The following SLC35F1 variants were observed in gnomAD, a reference collection of about 807,000 sequenced individuals.
The protein encoded by SLC35F1 is solute carrier family 35 member F1.
SLC35F1 carries 14 observed loss-of-function variants against 48.7 expected under a neutral mutation model. The observed-to-expected ratio is 0.29, with a 90% CI of 0.19 to 0.45. The LOEUF (loss-of-function observed/expected upper bound fraction) is 0.45. SLC35F1 is among the 20% of genes least tolerant of loss of function. The pLI is 1.00. For missense variants in SLC35F1, 404 were observed against 500.0 expected (o/e 0.81, Z 1.83); for synonymous variants, 190 against 202.2 (o/e 0.94, Z 0.51).
intron 1 of SLC35F1, among the ~76,000 whole-genome samples, chr6:117,921,113 G>A (rs75770616): frequency 0.02 from 3,030 of 151,358 alleles, 43 homozygotes; most frequent in Non-Finnish European, 0.032. Flanking sequence ...GATAGGTAGA[G>A]GATAGTCTTT....
intron 3 of SLC35F1, among the ~76,000 whole-genome samples, chr6:118,245,771 A>G (rs1361053884): frequency 6.6e-6 from 1 of 152,208 alleles, no homozygotes; most frequent in African/African-American, 2.4e-5. Flanking sequence ...CTAAGCACAC[A>G]TCACTTAAGT....
In SLC35F1 at chr6:118,261,108, A is replaced by G. The variant is rs58015948; in HGVS notation, c.478-5887A>G. 3.3e-5 allele frequency among the ~76,000 whole-genome samples: 5 copies of G among 152,324 alleles called. No homozygotes were observed. The East Asian group carries it at 5.8e-4, about 18-fold the overall frequency. On this transcript the variant is annotated intron_variant, in intron 3 of 7. Transcript: ENST00000360388. ...GTTGTGATAAATGCAATTGTACTAC[A>G]TGACTCTCAAAATTGATGCAAAGTG...
chr6:117,976,936 A>G (rs1358882956), intron 1 of SLC35F1, among the ~76,000 whole-genome samples: 1 of 152,214 alleles, frequency 6.6e-6, no homozygotes, highest in African/African-American at 2.4e-5. Context: ...GAAAATCTTA[A>G]TATTATATCA....
At chr6:118,181,104 A>C (rs1389612900) in intron 2 of SLC35F1, among the ~76,000 whole-genome samples, 3 of 152,168 alleles carry the variant, frequency 2.0e-5, no homozygotes, top group Admixed American at 1.3e-4. Context: ...TTTTCTAATA[A>C]ATAAAAGTAG....
chr6:118,303,574 ATGGTACTCTATGCTTATCG>A (rs1776278519), intron 7 of SLC35F1, among the ~76,000 whole-genome samples: 1 of 152,138 alleles, frequency 6.6e-6, no homozygotes, highest in Non-Finnish European at 1.5e-5. Context: ...GATGCTTATC[ATGGTACTCTATGCTTATCG>A]TGGTACTCTA....
rs181836463 is a variant in SLC35F1 at position 118,283,179 on chromosome 6, C to T, written c.848-2005C>T. On this transcript the variant is annotated intron_variant, in intron 6 of 7. Transcript: ENST00000360388. The stretch of plus-strand genomic sequence containing the variant: ...GGTCAGCATCTGGGACACTTGAGGC[C>T]CTGTCCCTTTCAGGAACTTTTCATG... 1.2e-3 allele frequency among the ~76,000 whole-genome samples: 186 copies of T among 152,228 alleles called. 1 individual carries two copies. Among genetic ancestry groups the T allele is most frequent in the African/African-American group, 4.3e-3 (179 of 41,544 alleles).
At chr6:118,186,253 G>A (rs371498843) in intron 2 of SLC35F1, among the ~76,000 whole-genome samples, 1 of 152,070 alleles carries the variant, frequency 6.6e-6, no homozygotes, top group East Asian at 1.9e-4. Flanking sequence ...TCTAGGAGAG[G>A]AGTAAGAAGA....
intron 1 of SLC35F1, chr6:117,999,430 T>A (rs1777053386): frequency 6.3e-7 from 1 of 1,587,806 alleles, no homozygotes; most frequent in African/African-American, 1.3e-5. Context: ...CCCAGGCCCC[T>A]ACAAAGGCTT....
At chr6:118,250,077 C>G (rs2114602115) in intron 3 of SLC35F1, among the ~76,000 whole-genome samples, 1 of 152,306 alleles carries the variant, frequency 6.6e-6, no homozygotes, top group South Asian at 2.1e-4. Flanking sequence ...TTCATTCATT[C>G]AACATCTACT....
chr6:118,207,200 A>T (rs1213394570), intron 2 of SLC35F1, among the ~76,000 whole-genome samples: 5 of 152,220 alleles, frequency 3.3e-5, no homozygotes, highest in Non-Finnish European at 7.3e-5. Flanking sequence ...GCCCTAGGAA[A>T]TATTTGCTTA....
chr6:118,289,861 A>T (rs537525152), intron 7 of SLC35F1, among the ~76,000 whole-genome samples: 3 of 152,258 alleles, frequency 2.0e-5, no homozygotes, highest in Non-Finnish European at 4.4e-5. Flanking sequence ...GTTGGGAGTC[A>T]CTAATCTGTA....
intron 1 of SLC35F1, among the ~76,000 whole-genome samples, chr6:117,977,657 C>T (rs894897517): frequency 1.3e-5 from 2 of 151,994 alleles, no homozygotes; most frequent in African/African-American, 4.8e-5. Flanking sequence ...AATATATCTC[C>T]ATCTGCTATA....
intron 1 of SLC35F1, among the ~76,000 whole-genome samples, chr6:117,934,237 T>C (rs1185985933): frequency 6.6e-6 from 1 of 152,172 alleles, no homozygotes; most frequent in Non-Finnish European, 1.5e-5. Context: ...CTCAGAAGTA[T>C]GGTGCAGTTC....
intron 1 of SLC35F1, among the ~76,000 whole-genome samples, chr6:118,008,568 G>A (rs1477145170): frequency 6.6e-6 from 1 of 152,212 alleles, no homozygotes; most frequent in Non-Finnish European, 1.5e-5. Flanking sequence ...GACGGTCCAT[G>A]GGCCTGACCT....
intron 1 of SLC35F1, among the ~76,000 whole-genome samples, chr6:117,908,305 A>G (rs1018407976): frequency 1.3e-5 from 2 of 152,192 alleles, no homozygotes; most frequent in African/African-American, 2.4e-5. Flanking sequence ...GCGGGGCTGC[A>G]GAGATGGCGT....
At chr6:118,294,162 A>T (rs1420810894) in intron 7 of SLC35F1, among the ~76,000 whole-genome samples, 5 of 152,182 alleles carry the variant, frequency 3.3e-5, no homozygotes, top group African/African-American at 1.2e-4. Flanking sequence ...ACCTTATTTT[A>T]TGATTTTGTA....
chr6:118,175,380 T>G (rs1774472924), intron 2 of SLC35F1, among the ~76,000 whole-genome samples: 1 of 152,080 alleles, frequency 6.6e-6, no homozygotes, highest in Non-Finnish European at 1.5e-5. Context: ...GCAATAAAAA[T>G]AAGAAGCTCA....
intron 1 of SLC35F1, among the ~76,000 whole-genome samples, chr6:118,086,696 G>A (rs1009582263): frequency 6.6e-6 from 1 of 152,152 alleles, no homozygotes; most frequent in African/African-American, 2.4e-5. Context: ...ATAATTTTTA[G>A]AAGCCTTGGT....
chr6:118,234,407 G>A (rs959479187), intron 2 of SLC35F1, among the ~76,000 whole-genome samples: 2 of 152,134 alleles, frequency 1.3e-5, no homozygotes, highest in African/African-American at 2.4e-5. Flanking sequence ...CAAATGCCAT[G>A]TTTTGAGGCA....
Sources: allele counts gnomAD v4.1 joint callset (sites outside exome capture counted in the v4.1 genomes callset), GRCh38; gene constraint gnomAD v4.1.1; transcripts MANE v1.5; gene names NCBI Gene and HGNC (gene_info 2026-07-23, HGNC 2026-07-21).